The following ASB7 variants were observed in gnomAD, a reference collection of about 807,000 sequenced individuals.
The protein encoded by ASB7 is ankyrin repeat and SOCS box protein 7.
ASB7 carries 4 observed loss-of-function variants against 32.5 expected under a neutral mutation model. The ratio of observed to expected loss-of-function variants is 0.12; its 90% confidence interval spans 0.06 to 0.28. ASB7 has a LOEUF of 0.28. Among genes scored for constraint, ASB7 ranks in the 10% least tolerant of loss-of-function variants. The pLI is 1.00. For synonymous variants in ASB7, 172 were observed against 155.6 expected, an observed-to-expected ratio of 1.11 and a Z score of -0.78; for missense variants, 181 against 407.1, an observed-to-expected ratio of 0.44 and a Z score of 4.78.
intron 5 of ASB7, among the ~76,000 whole-genome samples, chr15:100,647,978 C>T (rs901879652): frequency 2.6e-5 from 4 of 152,164 alleles, no homozygotes; most frequent in Admixed American, 2.0e-4. Flanking sequence ...CCAGAATTTT[C>T]CTGATTTATA....
intron 5 of ASB7, among the ~76,000 whole-genome samples, chr15:100,635,184 G>A (rs1418055236): frequency 1.3e-5 from 2 of 152,206 alleles, no homozygotes; most frequent in Non-Finnish European, 2.9e-5. Context: ...TCTGTACTGT[G>A]TTGAGAATTT....
intron 2 of ASB7, among the ~76,000 whole-genome samples, chr15:100,609,324 G>A (rs1196248227): frequency 1.3e-5 from 2 of 152,174 alleles, no homozygotes; most frequent in African/African-American, 2.4e-5. Context: ...TTTAAGTCCT[G>A]TTTAGAAAGT....
intron 4 of ASB7, among the ~76,000 whole-genome samples, chr15:100,623,998 A>C (rs1317537782): frequency 6.6e-6 from 1 of 152,204 alleles, no homozygotes; most frequent in Non-Finnish European, 1.5e-5. Flanking sequence ...ATAAAAAATG[A>C]GATCATTTGC....
intron 4 of ASB7, among the ~76,000 whole-genome samples, chr15:100,628,578 G>C (rs568559422): frequency 2.4e-4 from 36 of 152,228 alleles, no homozygotes; most frequent in African/African-American, 8.7e-4. Context: ...TCCGTCTTCT[G>C]CCCCCAGCCA....
At chr15:100,639,466 C>T (rs970085232) in intron 5 of ASB7, among the ~76,000 whole-genome samples, 3 of 151,908 alleles carry the variant, frequency 2.0e-5, no homozygotes, top group Non-Finnish European at 2.9e-5. Flanking sequence ...AAAGCGGGCT[C>T]GAGCTTTCTC....
At chr15:100,643,646 C>T (rs907389825) in intron 5 of ASB7, among the ~76,000 whole-genome samples, 2 of 151,370 alleles carry the variant, frequency 1.3e-5, no homozygotes, top group South Asian at 2.1e-4. Flanking sequence ...CCCGCCACCA[C>T]GCCTGGCTAA....
chr15:100,640,889 A>T (rs1170537636), intron 5 of ASB7, among the ~76,000 whole-genome samples: 1 of 152,230 alleles, frequency 6.6e-6, no homozygotes, highest in African/African-American at 2.4e-5. Context: ...ATTATTACTA[A>T]TGATGGGCTT....
chr15:100,646,813 T>G (rs1032734724), intron 5 of ASB7, among the ~76,000 whole-genome samples: 2 of 152,136 alleles, frequency 1.3e-5, no homozygotes, highest in African/African-American at 2.4e-5. Flanking sequence ...TCTCCATGGG[T>G]CTCCTCCTGA....
intron 4 of ASB7, among the ~76,000 whole-genome samples, chr15:100,618,619 T>TG (rs938669676): frequency 1.4e-4 from 14 of 103,572 alleles, no homozygotes; most frequent in South Asian, 8.6e-4. Flanking sequence ...CTGCTGTGTG[T>TG]GTGGTGTGTG....
At chr15:100,632,669 A>G (rs1422309264) in intron 5 of ASB7, among the ~76,000 whole-genome samples, 4 of 152,086 alleles carry the variant, frequency 2.6e-5, no homozygotes, top group African/African-American at 7.2e-5. Flanking sequence ...CAGACTGCCG[A>G]GGTATAAGGA....
chr15:100,628,962 A>G (rs1240751811), intron 4 of ASB7, among the ~76,000 whole-genome samples: 1 of 152,206 alleles, frequency 6.6e-6, no homozygotes, highest in Non-Finnish European at 1.5e-5. Context: ...ATATACCCTA[A>G]AACAACACGG....
intron 4 of ASB7, among the ~76,000 whole-genome samples, chr15:100,617,853 AT>A (rs2039757057): frequency 6.6e-6 from 1 of 152,196 alleles, no homozygotes; most frequent in Non-Finnish European, 1.5e-5. Context: ...ATCTAAAGTA[AT>A]TGTTCCTCAG....
intron 2 of ASB7, among the ~76,000 whole-genome samples, chr15:100,608,874 A>G (rs1028180139): frequency 1.3e-5 from 2 of 152,200 alleles, no homozygotes; most frequent in Non-Finnish European, 2.9e-5. Context: ...CCAGCAGGAC[A>G]TACAACTGCT....
chr15:100,637,452 CA>C (rs1264392796), intron 5 of ASB7, among the ~76,000 whole-genome samples: 1 of 152,188 alleles, frequency 6.6e-6, no homozygotes, highest in East Asian at 1.9e-4. Flanking sequence ...GAGATATTAA[CA>C]AAAGTGATTT....
chr15:100,619,273 T>C (rs2039770639), intron 4 of ASB7, among the ~76,000 whole-genome samples: 1 of 152,150 alleles, frequency 6.6e-6, no homozygotes, highest in African/African-American at 2.4e-5. Context: ...CACTTTTGGT[T>C]TTAGGAGATG....
At position 100,648,481 on chromosome 15, in the gene ASB7, A is replaced by C. The variant is rs1597014785; in HGVS notation, c.*19A>C. 6.3e-7 allele frequency: 1 copy of C among 1,586,272 alleles called. No individual in the cohort carries two copies. Among genetic ancestry groups the C allele is most frequent in the Non-Finnish European group, 8.6e-7 (1 of 1,160,108 alleles). ...TATCTGATATGCCAGAACTGTGAGC[A>C]AGATTAGGAGTTCTATTCTAGATAC... On this transcript the variant is annotated 3_prime_UTR_variant, in exon 6 of 6. Transcript: ENST00000332783.
intron 5 of ASB7, among the ~76,000 whole-genome samples, chr15:100,643,758 G>T (rs1287299859): frequency 1.3e-5 from 2 of 151,496 alleles, no homozygotes; most frequent in Non-Finnish European, 2.9e-5. Context: ...CTCCCAAAGT[G>T]CTGGGATTAC....
chr15:100,603,423 C>T (rs1490137617), intron 2 of ASB7, 110 bp downstream of exon 2: 1 of 152,250 alleles, frequency 6.6e-6, no homozygotes, highest in African/African-American at 2.5e-5. Flanking sequence ...TCCTACCCCC[C>T]CCACCCCCAC....
Position 100,651,448 on chromosome 15 carries a change from TCGTCAGATGCACA to T in ASB7, c.*2988_*3000del, listed in dbSNP as rs1360292344. On this transcript the variant is annotated 3_prime_UTR_variant, in exon 6 of 6. Transcript: ENST00000332783. Reference sequence around the variant, plus strand: ...GGAGCATGAGGGACTCTAGCATGACTCGTCAGATGCACACCCCAAGAGACAAGAATGTGTAGTT... The same window carrying T: ...GGAGCATGAGGGACTCTAGCATGACTCCCCAAGAGACAAGAATGTGTAGTT... The T allele has an allele frequency of 6.6e-6, 1 of 152,166 alleles. No homozygotes were observed. The highest frequency in any genetic ancestry group is 1.9e-4 in the East Asian group (1 of 5,198). 9.4% of individuals were successfully genotyped at this position (152,166 alleles called of 1,614,324 possible). A position where few individuals can be genotyped will look rare whatever the true frequency, so the allele number is the denominator to read the frequency against.
Sources: gnomAD v4.1 joint callset for allele counts (sites outside exome capture counted in the v4.1 genomes callset) on GRCh38, gnomAD v4.1.1 for gene constraint, MANE v1.5 for transcripts, NCBI Gene and HGNC (gene_info 2026-07-23, HGNC 2026-07-21) for gene names.